DDX60L: variants seen among roughly 807,000 people sequenced by gnomAD.
DDX60L encodes DExD/H-box 60 like.
DDX60L carries 191 observed loss-of-function variants against 211.6 expected under a neutral mutation model. The observed-to-expected ratio is 0.90, with a 90% confidence interval of 0.80 to 1.02. DDX60L has a LOEUF of 1.02. DDX60L is among the 50% of genes least tolerant of loss of function. The pLI is 0.00. For missense variants in DDX60L, 2,007 were observed against 1,984.1 expected, an observed-to-expected ratio of 1.01 and a Z score of -0.22; for synonymous variants, 706 against 694.1, an observed-to-expected ratio of 1.02 and a Z score of -0.27.
chr4:168,461,452 G>A (rs1383144039), intron 5 of DDX60L, among the ~76,000 whole-genome samples: 1 of 152,100 alleles, frequency 6.6e-6, no homozygotes, highest in Non-Finnish European at 1.5e-5. Flanking sequence ...GATATGAATA[G>A]ATAGATATAA....
At chr4:168,382,398 G>C (rs1743127083) in intron 30 of DDX60L, among the ~76,000 whole-genome samples, 1 of 152,146 alleles carries the variant, frequency 6.6e-6, no homozygotes, top group African/African-American at 2.4e-5. Flanking sequence ...AAGATCAAGT[G>C]AGTAGTGGAA....
At chr4:168,411,602 C>T (rs1748684064) in intron 22 of DDX60L, among the ~76,000 whole-genome samples, 1 of 152,164 alleles carries the variant, frequency 6.6e-6, no homozygotes, top group African/African-American at 2.4e-5. Context: ...CTGAAACTGG[C>T]AAGCTCGTCA....
chr4:168,396,554 T>C (rs1009338041), intron 26 of DDX60L, among the ~76,000 whole-genome samples: 7 of 152,012 alleles, frequency 4.6e-5, no homozygotes, highest in African/African-American at 1.7e-4. Flanking sequence ...AAGGGTAATT[T>C]AAATATCCAT....
chr4:168,396,133 T>TC lies in DDX60L; in HGVS notation c.3492-10_3492-9insG. 8.5e-7 allele frequency: 1 copy of TC among 1,176,278 alleles called. No individual in the cohort carries two copies. Among genetic ancestry groups the TC allele is most frequent in the Non-Finnish European group, 1.1e-6 (1 of 870,478 alleles). The allele number at this position is 1,176,278 out of a possible 1,614,324, so 72.9% of individuals were successfully genotyped here. A position where few individuals can be genotyped will look rare whatever the true frequency, so the allele number is the denominator to read the frequency against. On this transcript the variant is annotated splice_polypyrimidine_tract_variant and intron_variant, in intron 26 of 37. Coordinates refer to ENST00000682922, the MANE Select transcript of DDX60L (RefSeq NM_001012967.3). Reference sequence around the variant, plus strand: ...TTGGGTTTTTTTTAGTGCTACTATTTAAAAAAAAAAAAAAACTTTTAAGTA... The same window carrying TC: ...TTGGGTTTTTTTTAGTGCTACTATTTCAAAAAAAAAAAAAAACTTTTAAGTA...
intron 25 of DDX60L, among the ~76,000 whole-genome samples, chr4:168,401,187 T>C (rs11728183): frequency 0.92 from 139,633 of 152,176 alleles, 65,192 homozygotes; most frequent in East Asian, 1. Flanking sequence ...TTAACACCAA[T>C]GTAGACCTTA....
intron 8 of DDX60L, among the ~76,000 whole-genome samples, chr4:168,449,936 T>C (rs1474990134): frequency 2.6e-5 from 4 of 152,138 alleles, no homozygotes; most frequent in Admixed American, 6.5e-5. Context: ...CTCCAAGCTG[T>C]TCTTGTTTGT....
intron 24 of DDX60L, among the ~76,000 whole-genome samples, chr4:168,405,070 A>G (rs1747503852): frequency 6.6e-6 from 1 of 151,410 alleles, no homozygotes; most frequent in Admixed American, 6.6e-5. Flanking sequence ...GTACAGTGGC[A>G]TGATCTTGGC....
chr4:168,423,473 T>C, intron 15 of DDX60L, 135 bp downstream of exon 15: 1 of 607,426 alleles, frequency 1.6e-6, no homozygotes, highest in Non-Finnish European at 2.6e-6. Flanking sequence ...TATCTATTAT[T>C]TTATAAACTA....
At chr4:168,419,469 C>A in intron 18 of DDX60L, 72 bp from the exon 19 acceptor site, 2 of 1,080,150 alleles carry the variant, frequency 1.9e-6, no homozygotes, top group Admixed American at 2.5e-5. Context: ...GTAATAGGAA[C>A]CTAGAAAATA....
intron 10 of DDX60L, among the ~76,000 whole-genome samples, chr4:168,440,862 CA>C (rs1412372498): frequency 1.3e-5 from 2 of 152,144 alleles, no homozygotes; most frequent in Non-Finnish European, 2.9e-5. Flanking sequence ...CAGTTCACAG[CA>C]ATAACTTTTA....
chr4:168,369,160 G>A (rs548577056), intron 36 of DDX60L, among the ~76,000 whole-genome samples: 1 of 152,248 alleles, frequency 6.6e-6, no homozygotes, highest in East Asian at 1.9e-4. Context: ...ATCTTATCTT[G>A]AATTGTAACT....
chr4:168,468,292 A>G (rs565230535), intron 4 of DDX60L, among the ~76,000 whole-genome samples: 2 of 152,290 alleles, frequency 1.3e-5, no homozygotes, highest in South Asian at 2.1e-4. Flanking sequence ...AAGGATATCT[A>G]TCATGACCAA....
In DDX60L at chr4:168,441,072, G is replaced by A. The variant is rs929475374; in HGVS notation, c.1294+265C>T. 4.6e-5 allele frequency among the ~76,000 whole-genome samples: 7 copies of A among 152,192 alleles called. No homozygotes were observed. In the South Asian group the frequency reaches 1.4e-3, roughly 32 times the overall value. The stretch of plus-strand genomic sequence containing the variant: ...GAAGTGGCCCGAGGAACTTTCTCTT[G>A]AGGTGCTGGAAATGGCCTCTCTCTT... On this transcript the variant is annotated intron_variant, in intron 10 of 37. Coordinates refer to ENST00000682922, the MANE Select transcript of DDX60L (RefSeq NM_001012967.3).
At chr4:168,477,949 T>C (rs2150174023) in intron 1 of DDX60L, among the ~76,000 whole-genome samples, 2 of 152,302 alleles carry the variant, frequency 1.3e-5, no homozygotes, top group Middle Eastern at 6.8e-3. Flanking sequence ...GAGAATTGGC[T>C]GGACACAGCG....
intron 8 of DDX60L, 125 bp from the exon 9 acceptor site, chr4:168,448,904 A>G (rs1301447755): frequency 1.3e-6 from 1 of 795,308 alleles, no homozygotes; most frequent in Non-Finnish European, 2.0e-6. Flanking sequence ...CATTACAATC[A>G]CAAATATTAC....
At chr4:168,383,925 T>A (rs1366702925) in intron 30 of DDX60L, among the ~76,000 whole-genome samples, 1 of 152,182 alleles carries the variant, frequency 6.6e-6, no homozygotes. Flanking sequence ...CTCAGTGGGC[T>A]GGGAAAGGCA....
intron 36 of DDX60L, among the ~76,000 whole-genome samples, chr4:168,363,671 T>C (rs2684355): frequency 0.65 from 98,550 of 151,928 alleles, 32,435 homozygotes; most frequent in East Asian, 0.75. Context: ...TGTTAGCACA[T>C]GATAACCACA....
chr4:168,445,230 A>C (rs1323953237), intron 9 of DDX60L, among the ~76,000 whole-genome samples: 1 of 126,564 alleles, frequency 7.9e-6, no homozygotes, highest in Non-Finnish European at 1.7e-5. Context: ...ACAAACTACC[A>C]TCAGAGAATA....
chr4:168,421,409 C>T (rs536593900), intron 17 of DDX60L, among the ~76,000 whole-genome samples: 2 of 152,124 alleles, frequency 1.3e-5, no homozygotes, highest in East Asian at 1.9e-4. Flanking sequence ...CCTGTAATCC[C>T]AACACTTCAG....
Sources: allele counts gnomAD v4.1 joint callset (sites outside exome capture counted in the v4.1 genomes callset), GRCh38; gene constraint gnomAD v4.1.1; transcripts MANE v1.5; gene names NCBI Gene and HGNC (gene_info 2026-07-23, HGNC 2026-07-21).